KCNH8: variants seen among roughly 807,000 people sequenced by gnomAD.
KCNH8 encodes potassium voltage-gated channel subfamily H member 8.
Under a neutral mutation model 103.6 loss-of-function variants are expected in KCNH8, and 70 were observed. That is an observed-to-expected ratio of 0.68 (90% CI 0.56 to 0.82). The LOEUF is 0.82. Ranked by LOEUF, KCNH8 falls within the 40% of genes least tolerant of loss-of-function variation. The probability of loss-of-function intolerance (pLI) is 0.00; values close to 1 mark genes in which losing one functional copy is unlikely to be tolerated. For synonymous variants in KCNH8, 498 were observed against 489.4 expected, an observed-to-expected ratio of 1.02 and a Z score of -0.23; for missense variants, 1,217 against 1,329.9, an observed-to-expected ratio of 0.92 and a Z score of 1.32.
chr3:19,185,672 T>C (rs1029942952), intron 1 of KCNH8, among the ~76,000 whole-genome samples: 2 of 150,940 alleles, frequency 1.3e-5, no homozygotes, highest in Non-Finnish European at 2.9e-5. Context: ...CATTTATCAC[T>C]GTAATTGATA....
intron 1 of KCNH8, among the ~76,000 whole-genome samples, chr3:19,177,880 T>G (rs2063415760): frequency 6.6e-6 from 1 of 152,126 alleles, no homozygotes; most frequent in African/African-American, 2.4e-5. Flanking sequence ...TAATGGGAAG[T>G]CATCCATCTT....
intron 1 of KCNH8, among the ~76,000 whole-genome samples, chr3:19,206,273 A>C (rs937768841): frequency 6.1e-5 from 8 of 130,356 alleles, no homozygotes; most frequent in African/African-American, 3.1e-4. Context: ...ATATCTATCT[A>C]TATACATCAC....
chr3:19,527,734 T>C (rs1010816233), intron 15 of KCNH8, among the ~76,000 whole-genome samples: 9 of 152,102 alleles, frequency 5.9e-5, no homozygotes, highest in African/African-American at 2.2e-4. Context: ...TCATGGCCAG[T>C]TGGCAAGTCA....
At position 19,505,904 on chromosome 3, in the gene KCNH8, C is replaced by T. The variant is rs570205104; in HGVS notation, c.2041-4459C>T. ...TATTTTCTGTTTTACTGAGTTATTTCAGTGAGCCAGTTTTCGAACTCTGAG... is the reference window on the plus strand; with the variant it reads ...TATTTTCTGTTTTACTGAGTTATTTTAGTGAGCCAGTTTTCGAACTCTGAG... On this transcript the variant is annotated intron_variant, in intron 11 of 15. Coordinates refer to ENST00000328405, the MANE Select transcript of KCNH8 (RefSeq NM_144633.3). 3.3e-5 allele frequency among the ~76,000 whole-genome samples: 5 copies of T among 152,206 alleles called. No homozygotes were observed. The East Asian group carries it at 9.6e-4, about 29-fold the overall frequency.
intron 3 of KCNH8, among the ~76,000 whole-genome samples, chr3:19,297,123 G>T (rs1028922882): frequency 6.6e-6 from 1 of 152,110 alleles, no homozygotes; most frequent in Non-Finnish European, 1.5e-5. Flanking sequence ...AGTAATGCGA[G>T]CATTCAGAAA....
rs368833733 is a variant in KCNH8 at position 19,182,712 on chromosome 3, A to C, written c.76+33917A>C. On this transcript the variant is annotated intron_variant, in intron 1 of 15. Transcript: ENST00000328405. ...GCCCTAGTAGGCCTCTTTACTGAATATATTCTGCCTTATGAGTGAGCGTAA... is the reference window on the plus strand; with the variant it reads ...GCCCTAGTAGGCCTCTTTACTGAATCTATTCTGCCTTATGAGTGAGCGTAA... 1.8e-4 allele frequency among the ~76,000 whole-genome samples: 28 copies of C among 152,322 alleles called. No individual in the cohort carries two copies. The South Asian group carries it at 5.2e-3, about 28-fold the overall frequency.
intron 1 of KCNH8, among the ~76,000 whole-genome samples, chr3:19,151,517 C>A (rs2063129898): frequency 6.6e-6 from 1 of 151,982 alleles, no homozygotes; most frequent in African/African-American, 2.4e-5. Context: ...ACCCAACATG[C>A]AGTATTATTA....
chr3:19,426,652 G>A (rs565674141), intron 7 of KCNH8, among the ~76,000 whole-genome samples: 8 of 151,768 alleles, frequency 5.3e-5, no homozygotes, highest in African/African-American at 1.5e-4. Context: ...GTGGATAGCC[G>A]CTGAGTTTGC....
chr3:19,374,703 T>A lies in KCNH8; in HGVS notation c.812-15778T>A, dbSNP rs536799443. On this transcript the variant is annotated intron_variant, in intron 5 of 15. Coordinates refer to ENST00000328405, the MANE Select transcript of KCNH8 (RefSeq NM_144633.3). ...TGATGCAGTTTCTTCCTAGTCTCGA[T>A]GGTCTTTACATTTTGGCATGATTTT... is the stretch of plus-strand genomic sequence containing the variant. Among the ~76,000 whole-genome samples the A allele has an allele frequency of 4.1e-3, 623 of 152,294 alleles. 4 individuals are homozygous for A. The highest frequency in any genetic ancestry group is 0.014 in the African/African-American group (578 of 41,560).
At chr3:19,376,068 C>T (rs961404043) in intron 5 of KCNH8, among the ~76,000 whole-genome samples, 4 of 152,146 alleles carry the variant, frequency 2.6e-5, no homozygotes, top group African/African-American at 9.7e-5. Context: ...CTGTGCCCTG[C>T]CCCCAGAGGT....
intron 1 of KCNH8, among the ~76,000 whole-genome samples, chr3:19,165,695 A>G (rs1431614835): frequency 2.0e-5 from 3 of 152,250 alleles, no homozygotes; most frequent in African/African-American, 4.8e-5. Flanking sequence ...CTTAAAAAGC[A>G]TAAAAACTAC....
At chr3:19,214,803 C>T (rs1356494633) in intron 1 of KCNH8, among the ~76,000 whole-genome samples, 4 of 152,312 alleles carry the variant, frequency 2.6e-5, no homozygotes, top group South Asian at 4.1e-4. Flanking sequence ...TCTCTAACTC[C>T]AAATCTCGTG....
At chr3:19,190,028 C>G (rs2063536444) in intron 1 of KCNH8, among the ~76,000 whole-genome samples, 1 of 151,834 alleles carries the variant, frequency 6.6e-6, no homozygotes, top group Non-Finnish European at 1.5e-5. Context: ...TGATCTAGTG[C>G]TAGCAGAGAT....
chr3:19,429,868 C>T (rs1280824588), intron 7 of KCNH8, among the ~76,000 whole-genome samples: 1 of 152,164 alleles, frequency 6.6e-6, no homozygotes, highest in African/African-American at 2.4e-5. Context: ...TAGCCTCCAG[C>T]TCCATCCGTG....
In KCNH8 at chr3:19,157,609, A is replaced by G. The variant is rs540197807; in HGVS notation, c.76+8814A>G. Among the ~76,000 whole-genome samples the G allele has an allele frequency of 2.0e-5, 3 of 152,212 alleles. 1 individual carries two copies. The highest frequency in any genetic ancestry group is 7.2e-5 in the African/African-American group (3 of 41,572). On this transcript the variant is annotated intron_variant, in intron 1 of 15. Coordinates refer to ENST00000328405, the MANE Select transcript of KCNH8 (RefSeq NM_144633.3). ...GATATTAATAATGGCTAATATTTGT[A>G]TAGCATTTCAGCATTCTTTATGTCA...
intron 1 of KCNH8, among the ~76,000 whole-genome samples, chr3:19,189,482 T>G (rs1449672893): frequency 1.3e-5 from 2 of 151,976 alleles, no homozygotes; most frequent in East Asian, 3.9e-4. Context: ...TTTGGCCTTT[T>G]TGGTCTTCAT....
rs755488116 is a variant in KCNH8, at chr3:19,258,905, TTCTCTCTCTCTC to T, written c.310+5050_310+5061del. ...AAATAACTTCATTTTTATTTTCTGT[TTCTCTCTCTCTC>T]TCTCTCTCTCTCTCTCTCTCTCTCT... On this transcript the variant is annotated intron_variant, in intron 2 of 15. Coordinates refer to ENST00000328405, the MANE Select transcript of KCNH8 (RefSeq NM_144633.3). Among the ~76,000 whole-genome samples the T allele has an allele frequency of 2.9e-3, 125 of 43,064 alleles. 2 individuals carry two copies. The highest frequency in any genetic ancestry group is 5.0e-3 in the East Asian group (7 of 1,392). 28.3% of individuals were successfully genotyped at this position (43,064 alleles called of 152,430 possible).
At position 19,418,819 on chromosome 3, in the gene KCNH8, C is replaced by T. The variant is rs571971056; in HGVS notation, c.1178-19345C>T. On this transcript the variant is annotated intron_variant, in intron 7 of 15. Transcript: ENST00000328405. The stretch of plus-strand genomic sequence containing the variant: ...CAATCTTTGTCAAACAGTTTTCATC[C>T]AGCTGCACATTCTTATGAAAACAAA... Among the ~76,000 whole-genome samples, 10 of 152,320 alleles carry T rather than the reference C, an allele frequency of 6.6e-5. No individual in the cohort carries two copies. The East Asian group carries it at 1.9e-3, about 29-fold the overall frequency.
At chr3:19,391,312 C>T (rs1005033926) in intron 6 of KCNH8, among the ~76,000 whole-genome samples, 2 of 151,948 alleles carry the variant, frequency 1.3e-5, no homozygotes, top group African/African-American at 4.8e-5. Context: ...GTAGTAGCAG[C>T]CATTTTTATA....
Sources: allele counts gnomAD v4.1 joint callset (sites outside exome capture counted in the v4.1 genomes callset), GRCh38; gene constraint gnomAD v4.1.1; transcripts MANE v1.5; gene names NCBI Gene and HGNC (gene_info 2026-07-23, HGNC 2026-07-21).